Variants in PARVB observed in about 807,000 individuals in gnomAD.
PARVB encodes beta-parvin.
In PARVB, 46 loss-of-function variants were observed where a neutral mutation model predicts 47.0. The ratio of observed to expected loss-of-function variants is 0.98; its 90% CI spans 0.77 to 1.25. PARVB has a LOEUF of 1.25. Among genes scored for constraint, PARVB ranks in the 50% most tolerant of loss-of-function variants. The probability of loss-of-function intolerance (pLI) is 0.00; values close to 1 mark genes in which losing one functional copy is unlikely to be tolerated. For missense variants in PARVB, 473 were observed against 471.6 expected (o/e 1.00, Z -0.03); for synonymous variants, 196 against 196.3 (o/e 1.00, Z 0.01).
At position 44,068,402 on chromosome 22, in the gene PARVB, AG is replaced by A. The variant is rs2051581396; in HGVS notation, c.113-25521del. On this transcript the variant is annotated intron_variant, in intron 1 of 12. Coordinates refer to ENST00000338758, the MANE Select transcript of PARVB (RefSeq NM_013327.5). The surrounding 1 kb of genome is among the most constrained non-coding windows in gnomAD (Gnocchi z 4.1). ...CCAGGAGAGGGTTCAGGCCGAGGAAAGGGGGAGCAAGTTGCCGGCCAAGGTA... is the reference window on the plus strand; with the variant it reads ...CCAGGAGAGGGTTCAGGCCGAGGAAAGGGGAGCAAGTTGCCGGCCAAGGTA... Among the ~76,000 whole-genome samples the A allele has an allele frequency of 6.6e-6, 1 of 152,122 alleles. No homozygotes were observed. Among genetic ancestry groups the A allele is most frequent in the African/African-American group, 2.4e-5 (1 of 41,420 alleles).
At chr22:44,016,495 T>G (rs1444701043) in intron 2 of PARVB, among the ~76,000 whole-genome samples, 1 of 152,180 alleles carries the variant, frequency 6.6e-6, no homozygotes, top group Non-Finnish European at 1.5e-5. Context: ...ATCTCGGGTA[T>G]CACCCCAGAC....
intron 1 of PARVB, among the ~76,000 whole-genome samples, chr22:44,079,041 C>T (rs2051840043): frequency 6.6e-6 from 1 of 152,162 alleles, no homozygotes; most frequent in African/African-American, 2.4e-5. Flanking sequence ...TGAGTTTTTA[C>T]AAGAGACACT....
chr22:44,013,150 G>A (rs746148112), intron 2 of PARVB, among the ~76,000 whole-genome samples: 5 of 152,026 alleles, frequency 3.3e-5, no homozygotes, highest in South Asian at 2.1e-4. Flanking sequence ...CGTCTGCCTC[G>A]GCCTCCCAAA....
rs144767851 is a variant in PARVB, at chr22:44,007,953, GCAT to G, written c.211+8284_211+8286del. Among the ~76,000 whole-genome samples the G allele has an allele frequency of 5.6e-3, 857 of 152,292 alleles. 8 individuals are homozygous for G. The highest frequency in any genetic ancestry group is 0.02 in the African/African-American group (819 of 41,544). On this transcript the variant is annotated intron_variant, in intron 2 of 13. Coordinates refer to the PARVB transcript ENST00000406477. ...CTTTTGTGACTGGCATATCACACTA[GCAT>G]CATGTCCTCAAAGTTCATCTGCGTT...
intron 2 of PARVB, among the ~76,000 whole-genome samples, chr22:44,010,972 A>C (rs771593123): frequency 7.0e-6 from 1 of 142,586 alleles, no homozygotes; most frequent in African/African-American, 2.7e-5. Flanking sequence ...GCTCACTGTC[A>C]TCTCTGCCTC....
intron 2 of PARVB, among the ~76,000 whole-genome samples, chr22:44,096,947 G>A (rs868857888): frequency 6.6e-6 from 1 of 152,112 alleles, no homozygotes; most frequent in South Asian, 2.1e-4. Context: ...CAGACCTGCT[G>A]AAGATTCTGA....
chr22:44,167,124 G>C lies in PARVB; in HGVS notation c.1019-1478G>C, dbSNP rs1240544082. 6.6e-5 allele frequency among the ~76,000 whole-genome samples: 10 copies of C among 152,040 alleles called. 1 individual carries two copies. On this transcript the variant is annotated intron_variant, in intron 12 of 12. Transcript: ENST00000338758. The stretch of plus-strand genomic sequence containing the variant: ...GGCCCCCAGCAATGATGGGCATCCT[G>C]GCCCCCTGCCCCCTTGTGGGGACCT...
rs996923733 is a variant in PARVB, at chr22:44,002,262, A to C, written c.211+2589A>C. Among the ~76,000 whole-genome samples the C allele has an allele frequency of 2.0e-5, 3 of 152,202 alleles. No individual in the cohort carries two copies. In the South Asian group the frequency reaches 6.2e-4, roughly 32 times the overall value. ...ACCACGCTTCGGGAACCACTGATCTATCGTTGTCCAAAGCTAATTTTTTCA... is the reference window on the plus strand; with the variant it reads ...ACCACGCTTCGGGAACCACTGATCTCTCGTTGTCCAAAGCTAATTTTTTCA... On this transcript the variant is annotated intron_variant, in intron 2 of 13. Transcript: ENST00000406477.
At chr22:44,029,187 G>A (rs1398183972) in intron 1 of PARVB, among the ~76,000 whole-genome samples, 2 of 152,010 alleles carry the variant, frequency 1.3e-5, no homozygotes, top group Non-Finnish European at 2.9e-5. Flanking sequence ...GTCTCGCTAT[G>A]TTACCCAGGC....
chr22:44,026,223 T>C, intron 1 of PARVB: 2 of 690,202 alleles, frequency 2.9e-6, no homozygotes, highest in Non-Finnish European at 3.6e-6. Context: ...CCTGTATGAA[T>C]TGATGTGTGT....
chr22:44,168,670 G>A lies in PARVB; in HGVS notation c.1087G>A (p.Val363Met), dbSNP rs372330807. Residue 363 changes from valine to methionine, a missense_variant, in exon 13 of 13, where the codon GTG (valine) becomes ATG (methionine). Transcript: ENST00000338758. The part of the protein sequence containing the change: ...LYNLFTKYKN[V>M]E ...CAACCTGTTCACCAAGTACAAGAAC[G>A]TGGAGTGACGGGGGAGCTGTGGATG... 4.7e-5 allele frequency: 76 copies of A among 1,608,366 alleles called. No individual in the cohort carries two copies. In the African/African-American group the frequency reaches 5.3e-4, roughly 11 times the overall value.
chr22:44,159,179 T>C (rs1468402613), intron 11 of PARVB, among the ~76,000 whole-genome samples: 1 of 152,214 alleles, frequency 6.6e-6, no homozygotes, highest in Non-Finnish European at 1.5e-5. Context: ...AAATGAAAGG[T>C]CAGACCATCC....
At position 44,124,465 on chromosome 22, in the gene PARVB, C is replaced by G. The variant is rs527465583; in HGVS notation, c.376+5325C>G. ...TTTGATGGACTGCACAGACAAGCCC[C>G]ATCTTGGTGGAAGGGTCTCCCCATG... On this transcript the variant is annotated intron_variant, in intron 4 of 12. Coordinates refer to ENST00000338758, the MANE Select transcript of PARVB (RefSeq NM_013327.5). 3.9e-5 allele frequency among the ~76,000 whole-genome samples: 6 copies of G among 152,334 alleles called. No individual in the cohort carries two copies. In the South Asian group the frequency reaches 1.2e-3, roughly 32 times the overall value.
At chr22:44,052,263 C>G (rs1293523190) in intron 1 of PARVB, among the ~76,000 whole-genome samples, 1 of 152,106 alleles carries the variant, frequency 6.6e-6, no homozygotes, top group Non-Finnish European at 1.5e-5. Flanking sequence ...GGAAGTGCAA[C>G]ATGAGAGTCC....
upstream of PARVB, among the ~76,000 whole-genome samples, chr22:44,022,699 GCAGGACACC>G (rs1200797303): frequency 6.6e-6 from 1 of 151,818 alleles, no homozygotes; most frequent in African/African-American, 2.4e-5. Context: ...CCATGGCCTG[GCAGGACACC>G]CAGCCTTCAC....
chr22:44,091,533 T>A (rs2052167589), intron 1 of PARVB, among the ~76,000 whole-genome samples: 1 of 152,112 alleles, frequency 6.6e-6, no homozygotes, highest in Non-Finnish European at 1.5e-5. Context: ...CTCTATGCAT[T>A]CGCCTACTCG....
At chr22:44,027,157 C>T (rs1460290649) in intron 1 of PARVB, among the ~76,000 whole-genome samples, 3 of 152,026 alleles carry the variant, frequency 2.0e-5, no homozygotes, top group African/African-American at 4.8e-5. Context: ...CCCCAGGGCT[C>T]CCCACAGAAG....
intron 3 of PARVB, chr22:44,110,996 C>T (rs1277223966): frequency 6.6e-6 from 1 of 151,952 alleles, no homozygotes; most frequent in African/African-American, 2.4e-5. Flanking sequence ...TTTGAACTGC[C>T]AAAGTAATAT....
At position 44,017,337 on chromosome 22, in the gene PARVB, C is replaced by T. The variant is rs560527371; in HGVS notation, c.211+17664C>T. ...TGGGTCTGAGAATACAAAAGGTGAACGATGATAAACTTTACCAAGAAGGCC... is the reference window on the plus strand; with the variant it reads ...TGGGTCTGAGAATACAAAAGGTGAATGATGATAAACTTTACCAAGAAGGCC... On this transcript the variant is annotated intron_variant, in intron 2 of 13. Transcript: ENST00000406477. Among the ~76,000 whole-genome samples, 41 of 152,244 alleles carry T rather than the reference C, an allele frequency of 2.7e-4. 1 individual carries two copies. Among genetic ancestry groups the T allele is most frequent in the Admixed American group, 7.2e-4 (11 of 15,290 alleles).
Sources: allele counts gnomAD v4.1 joint callset (sites outside exome capture counted in the v4.1 genomes callset), GRCh38; gene constraint gnomAD v4.1.1; non-coding constraint Gnocchi (gnomAD v3.1); transcripts MANE v1.5; gene names NCBI Gene and HGNC (gene_info 2026-07-23, HGNC 2026-07-21).